Variants in ZNF221 observed in about 807,000 individuals in gnomAD.
ZNF221 encodes the protein zinc finger protein 221.
Under a neutral mutation model 12.6 loss-of-function variants are expected in ZNF221, and 10 were observed. The ratio of observed to expected loss-of-function variants is 0.79; its 90% CI spans 0.49 to 1.34. The LOEUF (loss-of-function observed/expected upper bound fraction) is 1.34, where lower values mean the gene tolerates loss of function less well. ZNF221 is among the 40% of genes most tolerant of loss of function. The pLI, the probability that ZNF221 is intolerant of heterozygous loss-of-function variation, is 0.00. For synonymous variants in ZNF221, 232 were observed against 244.0 expected (o/e 0.95, Z 0.46); for missense variants, 661 against 721.4 (o/e 0.92, Z 0.96).
chr19:43,961,162 C>G (rs1303746790), intron 1 of ZNF221, among the ~76,000 whole-genome samples: 1 of 152,198 alleles, frequency 6.6e-6, no homozygotes, highest in Non-Finnish European at 1.5e-5. Flanking sequence ...CTTGCTGCAG[C>G]CTTTAACTCC....
chr19:43,970,141 C>T (rs1383693238), downstream of ZNF221, among the ~76,000 whole-genome samples: 2 of 152,116 alleles, frequency 1.3e-5, no homozygotes, highest in East Asian at 1.9e-4. Flanking sequence ...ACTAGGGTCT[C>T]GAGCAGACCC....
downstream of ZNF221, among the ~76,000 whole-genome samples, chr19:43,971,937 CCAAAA>C (rs1975106151): frequency 6.6e-6 from 1 of 152,134 alleles, no homozygotes; most frequent in African/African-American, 2.4e-5. Flanking sequence ...ACTCTCCACT[CCAAAA>C]CAACAGAATA....
chr19:43,974,815 T>C, the ZNF221 span, among the ~76,000 whole-genome samples: 1 of 152,136 alleles, frequency 6.6e-6, no homozygotes, highest in Non-Finnish European at 1.5e-5. Context: ...GGTCAGGAGT[T>C]GGAGACCAGC....
rs182332125 is a variant in ZNF221, at chr19:43,965,442, C to T, written c.301+117C>T. 353 of 797,364 alleles carry T rather than the reference C, an allele frequency of 4.4e-4. 1 individual carries two copies. The African/African-American group carries it at 5.7e-3, about 13-fold the overall frequency. 49.4% of individuals were successfully genotyped at this position (797,364 alleles called of 1,614,324 possible). On this transcript the variant is annotated intron_variant, in intron 4 of 4. Transcript: ENST00000587682. ...GCCAAACTTCTTTCATAACTTATTG[C>T]AACTGCCTTCCTTCTTTAAAGTTCC...
rs534038944 is a variant in ZNF221 at position 43,955,813 on chromosome 19, G to A, written c.-3+4413G>A. ...ACTTTGGAACTGCCATTCACAAAAT[G>A]AGCAGCTCTTTGCTGGTCAGTTGAG... On this transcript the variant is annotated intron_variant, in intron 1 of 4. Transcript: ENST00000587682. 2.6e-5 allele frequency among the ~76,000 whole-genome samples: 4 copies of A among 152,304 alleles called. No individual in the cohort carries two copies. In the South Asian group the frequency reaches 8.3e-4, roughly 32 times the overall value.
At chr19:43,971,493 A>G (rs1041026737), downstream of ZNF221, among the ~76,000 whole-genome samples, 2 of 152,164 alleles carry the variant, frequency 1.3e-5, no homozygotes, top group African/African-American at 4.8e-5. Context: ...ACCGATTGAT[A>G]CGCCGTGTTT....
intron 2 of ZNF221, among the ~76,000 whole-genome samples, chr19:43,964,285 A>G (rs1242243580): frequency 6.6e-6 from 1 of 152,142 alleles, no homozygotes. Flanking sequence ...CCAGGTGAAA[A>G]TCATTATACA....
downstream of ZNF221, among the ~76,000 whole-genome samples, chr19:43,970,322 CAA>C (rs1197131188): frequency 6.6e-6 from 1 of 152,078 alleles, no homozygotes; most frequent in African/African-American, 2.4e-5. Flanking sequence ...AAAGTCAACA[CAA>C]AAAAATGCTG....
chr19:43,966,974 C>G lies in ZNF221; in HGVS notation c.1472C>G (p.Ser491Cys). 1 of 1,614,024 alleles carries G rather than the reference C, an allele frequency of 6.2e-7. No homozygotes were observed. Among genetic ancestry groups the G allele is most frequent in the South Asian group, 1.1e-5 (1 of 91,068 alleles). The change falls in exon 5 of 5, where the codon TCC (serine) becomes TGC (cysteine). Residue 491 changes from serine to cysteine, a missense_variant. Transcript: ENST00000587682. ...KECGKSFGWA[S>C]CLLKHQRLHS... ...TGTGGCAAGAGCTTTGGCTGGGCCT[C>G]CTGTCTTTTGAAACATCAGAGACTC... is the stretch of plus-strand genomic sequence containing the variant.
At chr19:43,971,772 A>G (rs541707131), downstream of ZNF221, among the ~76,000 whole-genome samples, 16 of 152,232 alleles carry the variant, frequency 1.1e-4, no homozygotes, top group Non-Finnish European at 2.2e-4. Flanking sequence ...GTAAGTTCTT[A>G]GAGACCTACA....
At chr19:43,973,510 C>T in the ZNF221 span, among the ~76,000 whole-genome samples, 1 of 152,202 alleles carries the variant, frequency 6.6e-6, no homozygotes, top group East Asian at 1.9e-4. Context: ...ACCCCATCAT[C>T]TCAGCCCAAA....
rs147168648 is a variant in ZNF221 at position 43,967,181 on chromosome 19, G to A, written c.1679G>A (p.Arg560Gln). ...DMHQRVHGGE[R>Q]PYNCKECGKS... The stretch of plus-strand genomic sequence containing the variant: ...CACCAGAGGGTCCACGGGGGAGAGC[G>A]ACCCTATAATTGTAAGGAATGTGGA... Residue 560 changes from arginine to glutamine, a missense_variant, in exon 5 of 5, where the codon CGA (arginine) becomes CAA (glutamine). Transcript: ENST00000587682. 590 of 1,593,204 alleles carry A rather than the reference G, an allele frequency of 3.7e-4. 2 individuals carry two copies. The African/African-American group carries it at 5.9e-3, about 16-fold the overall frequency.
intron 1 of ZNF221, among the ~76,000 whole-genome samples, chr19:43,953,318 G>A (rs1335322539): frequency 6.6e-6 from 1 of 151,250 alleles, no homozygotes; most frequent in Admixed American, 6.6e-5. Context: ...AGCTACAGGT[G>A]AAGAGATGCA....
chr19:43,962,190 CAT>C (rs1405014480), intron 1 of ZNF221, among the ~76,000 whole-genome samples: 5 of 152,100 alleles, frequency 3.3e-5, no homozygotes, highest in African/African-American at 1.2e-4. Context: ...TTTTACATGT[CAT>C]AGAATTTACC....
intron 1 of ZNF221, among the ~76,000 whole-genome samples, chr19:43,955,553 A>G (rs753638835): frequency 6.6e-6 from 1 of 152,114 alleles, no homozygotes; most frequent in Non-Finnish European, 1.5e-5. Flanking sequence ...CTGTAAGTTC[A>G]TGCCTCACAT....
chr19:43,952,678 C>G (rs1346096144), intron 1 of ZNF221, among the ~76,000 whole-genome samples: 2 of 152,166 alleles, frequency 1.3e-5, no homozygotes, highest in Admixed American at 6.5e-5. Flanking sequence ...TTCTGGGATA[C>G]ATTCTCACTG....
the ZNF221 span, among the ~76,000 whole-genome samples, chr19:43,974,884 A>G: frequency 6.6e-6 from 1 of 151,872 alleles, no homozygotes; most frequent in Admixed American, 6.6e-5. Context: ...AATTAGCTGG[A>G]TGTGGTGGTG....
At position 43,967,148 on chromosome 19, in the gene ZNF221, T is replaced by C; in HGVS notation, c.1646T>C (p.Leu549Pro). 1 of 1,593,732 alleles carries C rather than the reference T, an allele frequency of 6.3e-7. No individual in the cohort carries two copies. The highest frequency in any genetic ancestry group is 1.3e-5 in the African/African-American group (1 of 74,834). Residue 549 changes from leucine to proline, a missense_variant, in exon 5 of 5, where the codon CTT becomes CCT. By Grantham distance (98) the Leu-to-Pro change is moderately conservative. Transcript: ENST00000587682. ...AAGGGGTACAACAGTAAATTTAATC[T>C]TGACATGCACCAGAGGGTCCACGGG... ...CEKGYNSKFNLDMHQRVHGGE... is the reference protein window; with the variant it reads ...CEKGYNSKFNPDMHQRVHGGE...
At position 43,966,100 on chromosome 19, in the gene ZNF221, T is replaced by C; in HGVS notation, c.598T>C (p.Cys200Arg). 1.2e-6 allele frequency: 2 copies of C among 1,614,206 alleles called. No individual in the cohort carries two copies. Among genetic ancestry groups the C allele is most frequent in the Non-Finnish European group, 1.7e-6 (2 of 1,180,032 alleles). ...QSHSGEKSHT[C>R]GECGKSFCYS... ...ACACTCAGGAGAGAAATCTCATACA[T>C]GTGGTGAGTGTGGAAAAAGCTTCTG... Residue 200 changes from cysteine to arginine, a missense_variant, in exon 5 of 5, where the codon TGT becomes CGT. Transcript: ENST00000587682.
Sources: gnomAD v4.1 joint callset for allele counts (sites outside exome capture counted in the v4.1 genomes callset) on GRCh38, gnomAD v4.1.1 for gene constraint, MANE v1.5 for transcripts, NCBI Gene and HGNC (gene_info 2026-07-23, HGNC 2026-07-21) for gene names.